The following MAMDC2 variants were observed in gnomAD, a reference collection of about 807,000 sequenced individuals.
MAMDC2 encodes the protein MAM domain containing 2, also known as MAM domain-containing protein 2.
A neutral mutation model predicts 89.8 loss-of-function variants in MAMDC2; 57 were observed. The ratio of observed to expected loss-of-function variants is 0.63; its 90% CI spans 0.51 to 0.79. The LOEUF (loss-of-function observed/expected upper bound fraction) is 0.79. MAMDC2 is among the 30% of genes least tolerant of loss of function. The probability of loss-of-function intolerance (pLI) is 0.00; values close to 1 mark genes in which losing one functional copy is unlikely to be tolerated. For synonymous variants in MAMDC2, 313 were observed against 293.4 expected (o/e 1.07, Z -0.68); for missense variants, 800 against 820.6 (o/e 0.97, Z 0.31).
intron 11 of MAMDC2, chr9:70,194,132 G>A (rs1402465547): frequency 6.6e-6 from 1 of 152,094 alleles, no homozygotes; most frequent in African/African-American, 2.4e-5. Context: ...CTACAGTACA[G>A]CATGGTATGG....
chr9:70,109,948 G>T, intron 4 of MAMDC2, 144 bp downstream of exon 4: 1 of 689,834 alleles, frequency 1.4e-6, no homozygotes, highest in South Asian at 1.8e-5. Context: ...TTCTTTGCTA[G>T]ATTCATTTGA....
chr9:70,099,873 G>A (rs1177488232), intron 2 of MAMDC2, among the ~76,000 whole-genome samples: 2 of 152,074 alleles, frequency 1.3e-5, no homozygotes, highest in Non-Finnish European at 2.9e-5. Flanking sequence ...TACTTGGGAG[G>A]CTGAGGCAGG....
At chr9:70,117,369 C>A (rs2030053222) in intron 5 of MAMDC2, among the ~76,000 whole-genome samples, 1 of 152,096 alleles carries the variant, frequency 6.6e-6, no homozygotes, top group Non-Finnish European at 1.5e-5. Context: ...CAAACTAACA[C>A]AGGAACAGAA....
chr9:70,072,408 C>T (rs1827430054), intron 2 of MAMDC2, among the ~76,000 whole-genome samples: 1 of 152,248 alleles, frequency 6.6e-6, no homozygotes. Flanking sequence ...AAGAATTCAT[C>T]CTGAATTCTA....
At chr9:70,119,708 G>T (rs1373795584) in intron 5 of MAMDC2, among the ~76,000 whole-genome samples, 3 of 152,184 alleles carry the variant, frequency 2.0e-5, no homozygotes, top group African/African-American at 7.2e-5. Context: ...TAGAGAGAAA[G>T]GTTTGTGCTT....
intron 11 of MAMDC2, among the ~76,000 whole-genome samples, chr9:70,211,245 G>A (rs182058253): frequency 3.6e-4 from 55 of 152,278 alleles, no homozygotes; most frequent in Middle Eastern, 3.4e-3. Context: ...CATCCTCCCC[G>A]TCACTTTCAG....
At chr9:70,206,303 G>C (rs1056015791) in intron 11 of MAMDC2, among the ~76,000 whole-genome samples, 5 of 152,122 alleles carry the variant, frequency 3.3e-5, no homozygotes, top group African/African-American at 1.2e-4. Context: ...GTGAGTTATT[G>C]TTGTTAATCT....
chr9:70,146,893 C>T (rs1261552046), intron 9 of MAMDC2, among the ~76,000 whole-genome samples: 1 of 151,944 alleles, frequency 6.6e-6, no homozygotes, highest in Non-Finnish European at 1.5e-5. Context: ...CAAGATCACG[C>T]CACTGCACTC....
chr9:70,059,735 G>A (rs1322154447), intron 2 of MAMDC2, among the ~76,000 whole-genome samples: 1 of 152,186 alleles, frequency 6.6e-6, no homozygotes, highest in Non-Finnish European at 1.5e-5. Flanking sequence ...CAGAGACAGT[G>A]TAATGGCTGA....
chr9:70,099,980 A>AAGAGAGAGAGAG (rs60292765), intron 2 of MAMDC2, among the ~76,000 whole-genome samples: 2,328 of 115,498 alleles, frequency 0.02, 79 homozygotes, highest in Middle Eastern at 0.041. Flanking sequence ...GCCAAAAAGA[A>AAGAGAGAGAGAG]AGAGAGAGAG....
At chr9:70,103,612 A>G (rs577068116) in intron 2 of MAMDC2, among the ~76,000 whole-genome samples, 1 of 151,312 alleles carries the variant, frequency 6.6e-6, no homozygotes, top group Non-Finnish European at 1.5e-5. Context: ...CAAAGGCAGA[A>G]AAAAAAAAAC....
chr9:70,145,179 T>C (rs1174142891), intron 9 of MAMDC2, among the ~76,000 whole-genome samples: 1 of 152,202 alleles, frequency 6.6e-6, no homozygotes, highest in Non-Finnish European at 1.5e-5. Flanking sequence ...GCGAATTAAG[T>C]AGATAGTGTT....
At chr9:70,207,203 A>G (rs2033244596) in intron 11 of MAMDC2, among the ~76,000 whole-genome samples, 1 of 152,374 alleles carries the variant, frequency 6.6e-6, no homozygotes, top group East Asian at 1.9e-4. Flanking sequence ...AGGAATCACC[A>G]CACTGTCTTC....
chr9:70,087,627 A>G (rs1430005870), intron 2 of MAMDC2: 1 of 152,158 alleles, frequency 6.6e-6, no homozygotes, highest in Admixed American at 6.6e-5. Flanking sequence ...TCATGTAACC[A>G]TTCCTGGAAA....
At chr9:70,047,583 TTCTTTA>T in intron 2 of MAMDC2, among the ~76,000 whole-genome samples, 1 of 152,204 alleles carries the variant, frequency 6.6e-6, no homozygotes, top group Non-Finnish European at 1.5e-5. Context: ...GTGCTACATT[TTCTTTA>T]TCCAGTCTAT....
At chr9:70,087,410 C>T (rs1435986410) in intron 2 of MAMDC2, 1 of 152,178 alleles carries the variant, frequency 6.6e-6, no homozygotes, top group Non-Finnish European at 1.5e-5. Flanking sequence ...GCTTCATTTT[C>T]ATGGACCTTC....
chr9:70,107,916 T>A (rs986133587), intron 2 of MAMDC2, among the ~76,000 whole-genome samples: 2 of 152,074 alleles, frequency 1.3e-5, no homozygotes, highest in Non-Finnish European at 2.9e-5. Flanking sequence ...AGACACTCAG[T>A]GTGAGGAGTG....
chr9:70,213,267 C>G (rs2033389599), intron 11 of MAMDC2, among the ~76,000 whole-genome samples: 1 of 152,208 alleles, frequency 6.6e-6, no homozygotes, highest in South Asian at 2.1e-4. Context: ...CTACTTTCCA[C>G]TTTCCCAGTG....
intron 2 of MAMDC2, among the ~76,000 whole-genome samples, chr9:70,105,286 C>T (rs1468098361): frequency 1.3e-5 from 2 of 152,112 alleles, no homozygotes; most frequent in Admixed American, 1.3e-4. Context: ...CAAGTGCCAA[C>T]TCAGATTGAT....
Sources: allele counts gnomAD v4.1 joint callset (sites outside exome capture counted in the v4.1 genomes callset), GRCh38; gene constraint gnomAD v4.1.1; transcripts MANE v1.5; gene names NCBI Gene and HGNC (gene_info 2026-07-23, HGNC 2026-07-21).